MYH13: variants seen among roughly 807,000 people sequenced by gnomAD.
The protein encoded by MYH13 is myosin-13.
In MYH13, 177 loss-of-function variants were observed where a neutral mutation model predicts 232.1. The observed-to-expected ratio is 0.76, with a 90% CI of 0.67 to 0.86. The LOEUF (loss-of-function observed/expected upper bound fraction) is 0.86. MYH13 is among the 40% of genes least tolerant of loss of function. The probability of loss-of-function intolerance (pLI) is 0.00; values close to 1 mark genes in which losing one functional copy is unlikely to be tolerated. For synonymous variants in MYH13, 884 were observed against 923.5 expected (o/e 0.96, Z 0.78); for missense variants, 2,246 against 2,405.9 (o/e 0.93, Z 1.39).
chr17:10,326,981 G>GTTTTTTGTTTTT (rs1907223961), intron 22 of MYH13, among the ~76,000 whole-genome samples: 1 of 55,810 alleles, frequency 1.8e-5, no homozygotes, highest in African/African-American at 7.8e-5. Context: ...ATGCCTACTA[G>GTTTTTTGTTTTT]TTTTTTTTTT....
chr17:10,310,958 G>A, intron 33 of MYH13, 145 bp downstream of exon 33: 1 of 966,036 alleles, frequency 1.0e-6, no homozygotes, highest in South Asian at 1.7e-5. Flanking sequence ...GCCCGTGGAT[G>A]TTTCAGCCCC....
At chr17:10,364,603 C>T (rs2071819278) in intron 2 of MYH13, 61 bp from the exon 3 acceptor site, 1 of 1,417,374 alleles carries the variant, frequency 7.1e-7, no homozygotes, top group Admixed American at 2.0e-5. Context: ...GCTGCAGGGC[C>T]CCTACCCTTA....
chr17:10,322,317 GA>G (rs2142234611), intron 23 of MYH13, among the ~76,000 whole-genome samples: 1 of 152,240 alleles, frequency 6.6e-6, no homozygotes, highest in East Asian at 1.9e-4. Flanking sequence ...AGAATCGCTT[GA>G]AAACAGGAGG....
chr17:10,342,166 T>A (rs6503306), intron 16 of MYH13, among the ~76,000 whole-genome samples: 1 of 151,990 alleles, frequency 6.6e-6, no homozygotes, highest in Non-Finnish European at 1.5e-5. Context: ...CCAGCTCAGG[T>A]TCCCAAGTAG....
rs1214144105 is a variant in MYH13 at position 10,321,776 on chromosome 17, A to G, written c.2935-68T>C. ...CCAGAAGCTTCCATCAACAAAAGCT[A>G]TTGCTTCTTTGCTCATTTTTCCTTT... On this transcript the variant is annotated intron_variant, in intron 23 of 40. Coordinates refer to ENST00000252172, the MANE Select transcript of MYH13 (RefSeq NM_003802.3). 5 of 1,410,242 alleles carry G rather than the reference A, an allele frequency of 3.5e-6. No homozygotes were observed. In the African/African-American group the frequency reaches 7.2e-5, roughly 20 times the overall value. The allele number at this position is 1,410,242 out of a possible 1,614,324, so 87.4% of individuals were successfully genotyped here. A position where few individuals can be genotyped will look rare whatever the true frequency, so the allele number is the denominator to read the frequency against.
chr17:10,327,301 G>A (rs531502423), intron 22 of MYH13, among the ~76,000 whole-genome samples: 6 of 147,874 alleles, frequency 4.1e-5, no homozygotes, highest in Admixed American at 2.7e-4. Flanking sequence ...GCGCCCGGCC[G>A]CCTGCTAGTT....
At chr17:10,317,317 A>T (rs182106470) in intron 27 of MYH13, among the ~76,000 whole-genome samples, 4 of 152,322 alleles carry the variant, frequency 2.6e-5, no homozygotes, top group Admixed American at 1.3e-4. Context: ...AACACATGGG[A>T]AAGCAGGAAA....
At chr17:10,338,276 A>C (rs1187671853) in intron 18 of MYH13, among the ~76,000 whole-genome samples, 1 of 152,154 alleles carries the variant, frequency 6.6e-6, no homozygotes, top group Non-Finnish European at 1.5e-5. Context: ...TAACCAAAGA[A>C]ACCACTCTTC....
Position 10,312,721 on chromosome 17 carries a change from C to G in MYH13, c.4218G>C (p.Glu1406Asp). 6.2e-7 allele frequency: 1 copy of G among 1,613,646 alleles called. No individual in the cohort carries two copies. Among genetic ancestry groups the G allele is most frequent in the Non-Finnish European group, 8.5e-7 (1 of 1,179,830 alleles). ...KLAQRLQEAE[E>D]NTETANSKCA... ...ACTTGGAGTTCGCCGTCTCCGTGTTCTCCTCTGCTTCCTGGAGCCTCTGGG... is the reference window on the plus strand; with the variant it reads ...ACTTGGAGTTCGCCGTCTCCGTGTTGTCCTCTGCTTCCTGGAGCCTCTGGG... The change falls in exon 31 of 41, where the codon GAG becomes GAC. Residue 1406 changes from glutamate to aspartate, a missense_variant. Coordinates refer to ENST00000252172, the MANE Select transcript of MYH13 (RefSeq NM_003802.3).
rs377362051 is a variant in MYH13 at position 10,343,916 on chromosome 17, G to A, written c.1778C>T (p.Ala593Val). ...HYAGTVDYNI[A>V]GWLDKNKDPL... ...GTCCTTGTTTTTGTCCAGCCAGCCGGCGATGTTGTAGTCCACGGTGCCGGC... is the reference window on the plus strand; with the variant it reads ...GTCCTTGTTTTTGTCCAGCCAGCCGACGATGTTGTAGTCCACGGTGCCGGC... Residue 593 changes from alanine (A) to valine (V), a missense_variant, in exon 16 of 41, where the codon GCC becomes GTC. By Grantham distance (64) the Ala-to-Val change is moderately conservative. Transcript: ENST00000252172. 1.2e-6 allele frequency: 2 copies of A among 1,614,120 alleles called. No individual in the cohort carries two copies. The highest frequency in any genetic ancestry group is 1.3e-5 in the African/African-American group (1 of 74,938).
At chr17:10,312,476 G>T in intron 31 of MYH13, 98 bp downstream of exon 31, 1 of 1,383,346 alleles carries the variant, frequency 7.2e-7, no homozygotes, top group Non-Finnish European at 9.8e-7. Context: ...CAAAACATTT[G>T]TCCCTTTTCC....
At chr17:10,347,062 G>A (rs946695682) in intron 12 of MYH13, among the ~76,000 whole-genome samples, 7 of 152,070 alleles carry the variant, frequency 4.6e-5, no homozygotes, top group African/African-American at 1.7e-4. Flanking sequence ...CTGATATTTC[G>A]ATTTCATAAA....
At chr17:10,330,604 C>A in intron 20 of MYH13, 81 bp from the exon 21 acceptor site, 2 of 1,520,826 alleles carry the variant, frequency 1.3e-6, no homozygotes, top group East Asian at 2.5e-5. Context: ...TGTTTCTGCT[C>A]AACTCTGAGG....
Position 10,301,562 on chromosome 17 carries a change from C to A in MYH13, c.5802+7G>T. The A allele has an allele frequency of 6.2e-7, 1 of 1,614,108 alleles. No homozygotes were observed. Among genetic ancestry groups the A allele is most frequent in the South Asian group, 1.1e-5 (1 of 91,074 alleles). On this transcript the variant is annotated splice_region_variant and intron_variant, in intron 40 of 40. Transcript: ENST00000252172. ...CTGGCCCCTATATCTCAGGTACCTG[C>A]TCTTACCTGGCTGCCCACGTCTCGG...
intron 21 of MYH13, among the ~76,000 whole-genome samples, chr17:10,328,514 C>T (rs2142242783): frequency 6.6e-6 from 1 of 152,266 alleles, no homozygotes; most frequent in South Asian, 2.1e-4. Flanking sequence ...ACTTTTGAAA[C>T]TTTCTCTGCC....
At chr17:10,317,006 C>T (rs1220626667) in intron 27 of MYH13, among the ~76,000 whole-genome samples, 2 of 152,112 alleles carry the variant, frequency 1.3e-5, no homozygotes, top group East Asian at 1.9e-4. Flanking sequence ...AGAGTTGAAA[C>T]GCGATGGCAG....
At position 10,306,130 on chromosome 17, in the gene MYH13, C is replaced by T. The variant is rs78981101; in HGVS notation, c.5466+329G>A. ...GTTAATAGTTTTTTCCATGTATGTG[C>T]GTGCATCTGAATCTGCATAGCAAAT... On this transcript the variant is annotated intron_variant, in intron 37 of 40. Transcript: ENST00000252172. This position sits in a 1 kb window ranked among gnomAD's most constrained non-coding sequence, Gnocchi z 4.3. 6.6e-4 allele frequency among the ~76,000 whole-genome samples: 100 copies of T among 151,598 alleles called. No individual in the cohort carries two copies. Among genetic ancestry groups the T allele is most frequent in the African/African-American group, 2.3e-3 (96 of 41,302 alleles).
intron 5 of MYH13, 73 bp from the exon 6 acceptor site, chr17:10,360,261 G>A (rs573524682): frequency 1.3e-6 from 2 of 1,521,516 alleles, no homozygotes; most frequent in Non-Finnish European, 1.8e-6. Context: ...TAACATTGGG[G>A]GTGGTTGGAG....
At chr17:10,369,894 G>A (rs915103214) in intron 2 of MYH13, among the ~76,000 whole-genome samples, 1 of 152,186 alleles carries the variant, frequency 6.6e-6, no homozygotes, top group African/African-American at 2.4e-5. Context: ...CTCTCCATTT[G>A]TTCTCCATTT....
Sources: allele counts gnomAD v4.1 joint callset (sites outside exome capture counted in the v4.1 genomes callset), GRCh38; gene constraint gnomAD v4.1.1; non-coding constraint Gnocchi (gnomAD v3.1); transcripts MANE v1.5; gene names NCBI Gene and HGNC (gene_info 2026-07-23, HGNC 2026-07-21).